MAP4K3: variants seen among roughly 807,000 people sequenced by gnomAD.
MAP4K3 encodes the protein MAPK/ERK kinase kinase kinase 3.
In MAP4K3, 94 loss-of-function variants were observed where a neutral mutation model predicts 143.5. That is an observed-to-expected ratio of 0.65 (90% confidence interval 0.55 to 0.78). The LOEUF (loss-of-function observed/expected upper bound fraction) is 0.78, where lower values mean the gene tolerates loss of function less well. Among genes scored for constraint, MAP4K3 ranks in the 30% least tolerant of loss-of-function variants. MAP4K3 has a pLI of 0.00. For synonymous variants in MAP4K3, 416 were observed against 347.2 expected (o/e 1.20, Z -2.20); for missense variants, 1,077 against 1,068.1 (o/e 1.01, Z -0.12).
At chr2:39,338,727 G>A (rs1257795665) in intron 4 of MAP4K3, among the ~76,000 whole-genome samples, 1 of 152,176 alleles carries the variant, frequency 6.6e-6, no homozygotes, top group Non-Finnish European at 1.5e-5. Context: ...ATTAGGTCAT[G>A]AGTGCTCCTC....
At chr2:39,267,394 G>A (rs569695026) in intron 26 of MAP4K3, 147 bp from the exon 27 acceptor site, 14 of 639,050 alleles carry the variant, frequency 2.2e-5, no homozygotes, top group Middle Eastern at 4.3e-4. Context: ...TAAAAAGGCC[G>A]GGTGCCATGG....
chr2:39,262,737 A>G (rs1680617255), intron 28 of MAP4K3, among the ~76,000 whole-genome samples: 1 of 152,172 alleles, frequency 6.6e-6, no homozygotes, highest in Non-Finnish European at 1.5e-5. Flanking sequence ...AGTAAATAAC[A>G]CGGTGCCTTG....
intron 1 of MAP4K3, among the ~76,000 whole-genome samples, chr2:39,432,281 G>C (rs1340725688): frequency 6.6e-6 from 1 of 152,214 alleles, no homozygotes; most frequent in African/African-American, 2.4e-5. Flanking sequence ...TCAAAGGCTG[G>C]AGGTAAGTAC....
chr2:39,278,375 T>G lies in MAP4K3; in HGVS notation c.1794+32A>C. Reference sequence around the variant, plus strand: ...TGTGTACTTATGGTAACTTAAAAATTAAAAAAAAAAAGAATATACAAAATA... The same window carrying G: ...TGTGTACTTATGGTAACTTAAAAATGAAAAAAAAAAAGAATATACAAAATA... On this transcript the variant is annotated intron_variant, in intron 24 of 33. Transcript: ENST00000263881. 3.6e-6 allele frequency: 4 copies of G among 1,102,758 alleles called. No homozygotes were observed. In the South Asian group the frequency reaches 4.9e-5, roughly 14 times the overall value. The allele number at this position is 1,102,758 out of a possible 1,614,324, so 68.3% of individuals were successfully genotyped here. A position where few individuals can be genotyped will look rare whatever the true frequency, so the allele number is the denominator to read the frequency against.
chr2:39,427,940 A>G (rs1665146875), intron 1 of MAP4K3, among the ~76,000 whole-genome samples: 1 of 152,176 alleles, frequency 6.6e-6, no homozygotes, highest in Non-Finnish European at 1.5e-5. Flanking sequence ...TAGGTTCTAC[A>G]GCAGTATTTT....
intron 1 of MAP4K3, among the ~76,000 whole-genome samples, chr2:39,386,460 A>C (rs1249366189): frequency 2.0e-5 from 3 of 152,258 alleles, no homozygotes; most frequent in Admixed American, 2.0e-4. Flanking sequence ...TTTTGGTATC[A>C]CATCCAAGAT....
chr2:39,341,150 T>C (rs1383366360), intron 4 of MAP4K3, among the ~76,000 whole-genome samples: 2 of 151,780 alleles, frequency 1.3e-5, no homozygotes, highest in African/African-American at 4.8e-5. Flanking sequence ...CAAAAAGCAA[T>C]TAGAGATAAG....
In MAP4K3 at chr2:39,309,378, T is replaced by C. The variant is rs1682856262; in HGVS notation, c.1056+83A>G. 5 of 977,300 alleles carry C rather than the reference T, an allele frequency of 5.1e-6. No homozygotes were observed. The South Asian group carries it at 6.3e-5, about 12-fold the overall frequency. 60.5% of individuals were successfully genotyped at this position (977,300 alleles called of 1,614,324 possible). On this transcript the variant is annotated intron_variant, in intron 14 of 33. Transcript: ENST00000263881. ...TTTTGAAAATATTAATGACTAGCTT[T>C]TTTGGTCAGTACTAATACATCACAC...
At chr2:39,426,094 A>C (rs529562434) in intron 1 of MAP4K3, among the ~76,000 whole-genome samples, 1 of 152,334 alleles carries the variant, frequency 6.6e-6, no homozygotes, top group East Asian at 1.9e-4. Context: ...TTAACCAAAT[A>C]ATCAAAATCA....
At chr2:39,330,314 C>T (rs1683642270) in intron 8 of MAP4K3, among the ~76,000 whole-genome samples, 1 of 151,996 alleles carries the variant, frequency 6.6e-6, no homozygotes, top group Non-Finnish European at 1.5e-5. Context: ...CCATGGGCAC[C>T]ACAGAAGACA....
chr2:39,409,694 A>G (rs1318762279), intron 1 of MAP4K3, among the ~76,000 whole-genome samples: 1 of 152,242 alleles, frequency 6.6e-6, no homozygotes, highest in Non-Finnish European at 1.5e-5. Context: ...ATATACTCAG[A>G]GTTGAAAATA....
chr2:39,369,205 G>GTTTTTGTTTTTTTTTT (rs1553419628), intron 2 of MAP4K3, among the ~76,000 whole-genome samples: 6 of 125,378 alleles, frequency 4.8e-5, no homozygotes, highest in African/African-American at 1.9e-4. Flanking sequence ...TTTTTTTTTT[G>GTTTTTGTTTTTTTTTT]TTTTTTTTGA....
At chr2:39,301,164 C>A (rs774197611) in intron 15 of MAP4K3, among the ~76,000 whole-genome samples, 4 of 152,092 alleles carry the variant, frequency 2.6e-5, no homozygotes, top group Non-Finnish European at 5.9e-5. Flanking sequence ...AAATCAAAAT[C>A]CTGGTTTAGA....
At chr2:39,388,697 A>C (rs1194325668) in intron 1 of MAP4K3, among the ~76,000 whole-genome samples, 1 of 152,202 alleles carries the variant, frequency 6.6e-6, no homozygotes, top group Non-Finnish European at 1.5e-5. Flanking sequence ...TTCCCTGGAA[A>C]TCCATAATCA....
At chr2:39,280,572 G>C (rs1174858726) in intron 22 of MAP4K3, among the ~76,000 whole-genome samples, 1 of 150,422 alleles carries the variant, frequency 6.6e-6, no homozygotes, top group East Asian at 1.9e-4. Context: ...AATTTTACTT[G>C]GAAAAAAGAG....
chr2:39,346,167 G>C (rs1278364280), intron 3 of MAP4K3, among the ~76,000 whole-genome samples: 1 of 152,154 alleles, frequency 6.6e-6, no homozygotes, highest in Non-Finnish European at 1.5e-5. Flanking sequence ...CAGATGTGTG[G>C]TCTTTCTAAT....
At chr2:39,323,074 A>G (rs1683368656) in intron 12 of MAP4K3, among the ~76,000 whole-genome samples, 1 of 152,220 alleles carries the variant, frequency 6.6e-6, no homozygotes, top group African/African-American at 2.4e-5. Context: ...AGCAATTACA[A>G]TTACAAATCA....
At chr2:39,423,185 T>C (rs901456350) in intron 1 of MAP4K3, among the ~76,000 whole-genome samples, 2 of 152,198 alleles carry the variant, frequency 1.3e-5, no homozygotes, top group Non-Finnish European at 2.9e-5. Context: ...CAACATCATA[T>C]ACCATTAGGG....
At chr2:39,354,271 G>T (rs1405834274) in intron 3 of MAP4K3, among the ~76,000 whole-genome samples, 1 of 151,908 alleles carries the variant, frequency 6.6e-6, no homozygotes, top group Non-Finnish European at 1.5e-5. Context: ...GTGAAACCCC[G>T]TCTCTACTAA....
Sources: allele counts gnomAD v4.1 joint callset (sites outside exome capture counted in the v4.1 genomes callset), GRCh38; gene constraint gnomAD v4.1.1; transcripts MANE v1.5; gene names NCBI Gene and HGNC (gene_info 2026-07-23, HGNC 2026-07-21).